TRPM7: variants seen among roughly 807,000 people sequenced by gnomAD.
TRPM7 encodes LTRPC ion channel family member 7.
A neutral mutation model predicts 229.7 loss-of-function variants in TRPM7; 134 were observed. The ratio of observed to expected loss-of-function variants is 0.58; its 90% CI spans 0.51 to 0.67. TRPM7 has a LOEUF of 0.67. Ranked by LOEUF, TRPM7 falls within the 30% of genes least tolerant of loss-of-function variation. The pLI is 0.00. For synonymous variants in TRPM7, 699 were observed against 715.2 expected (o/e 0.98, Z 0.36); for missense variants, 1,901 against 2,210.0 (o/e 0.86, Z 2.80).
At chr15:50,598,049 C>G in intron 22 of TRPM7, among the ~76,000 whole-genome samples, 1 of 152,212 alleles carries the variant, frequency 6.6e-6, no homozygotes, top group South Asian at 2.1e-4. Context: ...CAAATAATGA[C>G]CACAAATTTT....
At chr15:50,669,050 G>A (rs896397980) in intron 1 of TRPM7, among the ~76,000 whole-genome samples, 1 of 152,076 alleles carries the variant, frequency 6.6e-6, no homozygotes, top group African/African-American at 2.4e-5. Flanking sequence ...TTTTTGACAG[G>A]CCCAGGAGCC....
Position 50,559,945 on chromosome 15 carries a change from G to C in TRPM7, c.*1733C>G, listed in dbSNP as rs553132232. 1.1e-4 allele frequency: 16 copies of C among 150,906 alleles called. No individual in the cohort carries two copies. The allele number at this position is 150,906 out of a possible 1,614,324, so 9.3% of individuals were successfully genotyped here. A position where few individuals can be genotyped will look rare whatever the true frequency, so the allele number is the denominator to read the frequency against. ...GGAGAATCACTTAAACCCGGAAGGC[G>C]GCGGTTGTGGTGAGCTGAGATCGCA... On this transcript the variant is annotated 3_prime_UTR_variant, in exon 39 of 39. Coordinates refer to ENST00000646667, the MANE Select transcript of TRPM7 (RefSeq NM_017672.6).
intron 10 of TRPM7, among the ~76,000 whole-genome samples, chr15:50,629,740 A>T (rs1284755073): frequency 6.6e-6 from 1 of 152,102 alleles, no homozygotes; most frequent in Non-Finnish European, 1.5e-5. Context: ...GTAAAGCCAT[A>T]GGAAATCTGA....
At chr15:50,580,007 C>T (rs2054324652) in intron 30 of TRPM7, among the ~76,000 whole-genome samples, 1 of 152,150 alleles carries the variant, frequency 6.6e-6, no homozygotes, top group African/African-American at 2.4e-5. Flanking sequence ...CACCTGGGCT[C>T]AAGCGATCCA....
intron 3 of TRPM7, among the ~76,000 whole-genome samples, chr15:50,654,856 C>G (rs1319246914): frequency 6.7e-6 from 1 of 149,716 alleles, no homozygotes; most frequent in African/African-American, 2.4e-5. Context: ...AAAAAACTAC[C>G]CGGGTGTGGC....
chr15:50,590,612 T>C (rs940740121), intron 26 of TRPM7, among the ~76,000 whole-genome samples: 3 of 152,200 alleles, frequency 2.0e-5, no homozygotes, highest in Admixed American at 2.0e-4. Flanking sequence ...GATATATACA[T>C]ACACCCCACT....
rs1567129243 is a variant in TRPM7 at position 50,679,518 on chromosome 15, ATATATATATATATATATATAT to A, written c.3+6992_3+7012del. Among the ~76,000 whole-genome samples, 82 of 17,366 alleles carry A rather than the reference ATATATATATATATATATATAT, an allele frequency of 4.7e-3. 1 individual carries two copies. Among genetic ancestry groups the A allele is most frequent in the African/African-American group, 8.7e-3 (78 of 8,942 alleles). The allele number at this position is 17,366 out of a possible 152,430, so 11.4% of individuals were successfully genotyped here. On this transcript the variant is annotated intron_variant, in intron 1 of 38. Coordinates refer to ENST00000646667, the MANE Select transcript of TRPM7 (RefSeq NM_017672.6). ...ATATATGTGTATATATATAATATAT[ATATATATATATATATATATAT>A]TTTTTTTTTTTTTTGAGACAGAGTC...
chr15:50,607,708 A>G (rs891023955), intron 19 of TRPM7, among the ~76,000 whole-genome samples: 1 of 143,484 alleles, frequency 7.0e-6, no homozygotes, highest in Non-Finnish European at 1.6e-5. Context: ...CAAGGAACAC[A>G]TGTTTCCTGC....
At chr15:50,621,199 A>T (rs1240016952) in intron 12 of TRPM7, among the ~76,000 whole-genome samples, 1 of 149,210 alleles carries the variant, frequency 6.7e-6, no homozygotes, top group Non-Finnish European at 1.5e-5. Flanking sequence ...TATTTAGTCG[A>T]TCAACTCAGG....
chr15:50,625,915 A>C lies in TRPM7; in HGVS notation c.1306-1615T>G, dbSNP rs1330343537. 2.7e-5 allele frequency among the ~76,000 whole-genome samples: 4 copies of C among 150,544 alleles called. 1 individual carries two copies. The highest frequency in any genetic ancestry group is 9.7e-5 in the African/African-American group (4 of 41,270). Reference sequence around the variant, plus strand: ...CTGTAGTTTATCATGGCATCGTACTATTTTACTTAAGATTATTTCCTTCTT... The same window carrying C: ...CTGTAGTTTATCATGGCATCGTACTCTTTTACTTAAGATTATTTCCTTCTT... On this transcript the variant is annotated intron_variant, in intron 11 of 38. Coordinates refer to ENST00000646667, the MANE Select transcript of TRPM7 (RefSeq NM_017672.6).
At chr15:50,562,136 T>C (rs945918701) in intron 38 of TRPM7, among the ~76,000 whole-genome samples, 4 of 152,156 alleles carry the variant, frequency 2.6e-5, no homozygotes, top group African/African-American at 9.7e-5. Context: ...CCTCAGGTGA[T>C]CCACCTGCCT....
chr15:50,579,589 G>A (rs891703308), intron 30 of TRPM7, among the ~76,000 whole-genome samples: 4 of 152,016 alleles, frequency 2.6e-5, no homozygotes, highest in African/African-American at 7.3e-5. Flanking sequence ...GTTAGACACC[G>A]GAATTAACAC....
rs142413248 is a variant in TRPM7, at chr15:50,656,616, G to A, written c.122+1165C>T. Among the ~76,000 whole-genome samples the A allele has an allele frequency of 8.1e-4, 123 of 151,448 alleles. 1 individual carries two copies. The East Asian group carries it at 0.015, about 19-fold the overall frequency. On this transcript the variant is annotated intron_variant, in intron 3 of 38. Transcript: ENST00000646667. ...CTCCCCAAGTGCTGGGATTACAGGC[G>A]CGAACCATCACATCCAGCCTGTCAG...
intron 13 of TRPM7, among the ~76,000 whole-genome samples, chr15:50,616,927 C>A (rs1487229104): frequency 6.6e-6 from 1 of 151,974 alleles, no homozygotes; most frequent in East Asian, 1.9e-4. Context: ...GCCACTGGGT[C>A]TGGCCAATAT....
intron 7 of TRPM7, among the ~76,000 whole-genome samples, chr15:50,636,405 G>A (rs1347232643): frequency 1.3e-5 from 2 of 152,048 alleles, no homozygotes; most frequent in Non-Finnish European, 2.9e-5. Context: ...TGGTCAGTCT[G>A]GTCTAGAATT....
intron 16 of TRPM7, among the ~76,000 whole-genome samples, chr15:50,611,738 C>T (rs577266267): frequency 6.6e-5 from 10 of 152,266 alleles, no homozygotes; most frequent in African/African-American, 2.4e-4. Flanking sequence ...ATCTTGAAGT[C>T]CCACTAAGTA....
At chr15:50,655,927 T>C (rs563856318) in intron 3 of TRPM7, among the ~76,000 whole-genome samples, 1 of 151,636 alleles carries the variant, frequency 6.6e-6, no homozygotes, top group Non-Finnish European at 1.5e-5. Context: ...GAGGCAAAGG[T>C]TGCTGTGAGC....
Position 50,686,696 on chromosome 15 carries a change from C to T in TRPM7, c.-163G>A. The stretch of plus-strand genomic sequence containing the variant: ...AGAACTAACTCAGCTCCGGCGCTAG[C>T]AGCAGAAGCCGAGTCTTTCATAATT... On this transcript the variant is annotated 5_prime_UTR_variant, in exon 1 of 39. Transcript: ENST00000646667. 1.1e-6 allele frequency: 1 copy of T among 882,294 alleles called. No homozygotes were observed. The highest frequency in any genetic ancestry group is 1.7e-6 in the Non-Finnish European group (1 of 598,848). The allele number at this position is 882,294 out of a possible 1,614,324, so 54.7% of individuals were successfully genotyped here. A position where few individuals can be genotyped will look rare whatever the true frequency, so the allele number is the denominator to read the frequency against.
At chr15:50,603,325 T>TA (rs1805024603) in intron 21 of TRPM7, among the ~76,000 whole-genome samples, 2 of 150,562 alleles carry the variant, frequency 1.3e-5, no homozygotes, top group African/African-American at 4.9e-5. Flanking sequence ...TTTTTTTTTT[T>TA]AATTATTATA....
Sources: allele counts gnomAD v4.1 joint callset (sites outside exome capture counted in the v4.1 genomes callset), GRCh38; gene constraint gnomAD v4.1.1; transcripts MANE v1.5; gene names NCBI Gene and HGNC (gene_info 2026-07-23, HGNC 2026-07-21).